Variants in ATP2B2 observed in about 807,000 individuals in gnomAD.
ATP2B2 encodes ATPase plasma membrane Ca2+ transporting 2.
ATP2B2 carries 15 observed loss-of-function variants against 120.0 expected under a neutral mutation model. That is an observed-to-expected ratio of 0.12 (90% CI 0.08 to 0.19). The LOEUF (loss-of-function observed/expected upper bound fraction) is 0.19. Among genes scored for constraint, ATP2B2 ranks in the 10% least tolerant of loss-of-function variants. The pLI, the probability that ATP2B2 is intolerant of heterozygous loss-of-function variation, is 1.00. For missense variants in ATP2B2, 1,045 were observed against 1,719.8 expected, an observed-to-expected ratio of 0.61 and a Z score of 6.94; for synonymous variants, 694 against 700.3, an observed-to-expected ratio of 0.99 and a Z score of 0.14.
chr3:10,405,862 A>G (rs2062393606), intron 3 of ATP2B2, among the ~76,000 whole-genome samples: 1 of 152,168 alleles, frequency 6.6e-6, no homozygotes, highest in Admixed American at 6.5e-5. Flanking sequence ...CTATGTGCCT[A>G]TCACTCTTTT....
chr3:10,396,081 T>A (rs992738757), intron 5 of ATP2B2, among the ~76,000 whole-genome samples: 1 of 152,200 alleles, frequency 6.6e-6, no homozygotes, highest in Non-Finnish European at 1.5e-5. Context: ...TGAAGGCTGG[T>A]CTGCCCTCAC....
At chr3:10,374,534 C>T (rs960990519) in intron 11 of ATP2B2, among the ~76,000 whole-genome samples, 6 of 152,226 alleles carry the variant, frequency 3.9e-5, no homozygotes, top group African/African-American at 7.2e-5. Flanking sequence ...AACATGGCCA[C>T]GCCTCCACCC....
rs774455155 is a variant in ATP2B2 at position 10,388,353 on chromosome 3, A to G, written c.831T>C (p.Gly277=). The change falls in exon 6 of 23, where the codon GGT becomes GGC. Residue 277 remains glycine, a synonymous_variant. Coordinates refer to ENST00000360273, the MANE Select transcript of ATP2B2 (RefSeq NM_001001331.4). ...AGATGATGCCAGTCTGAGAGTTCAC[A>G]CCCACAGCAGTCACCAACATCCGTC... ...GSGRMLVTAV[G]VNSQTGIIFT... is the part of the protein sequence containing the mutation. The G allele has an allele frequency of 6.2e-7, 1 of 1,613,964 alleles. No homozygotes were observed. Among genetic ancestry groups the G allele is most frequent in the Non-Finnish European group, 8.5e-7 (1 of 1,180,006 alleles).
intron 3 of ATP2B2, among the ~76,000 whole-genome samples, chr3:10,406,684 C>T (rs1255745962): frequency 1.3e-5 from 2 of 152,224 alleles, no homozygotes; most frequent in Non-Finnish European, 2.9e-5. Context: ...TGACATGTCC[C>T]TGTCGTTAAG....
At chr3:10,405,752 C>T (rs1213441914) in intron 3 of ATP2B2, among the ~76,000 whole-genome samples, 1 of 152,168 alleles carries the variant, frequency 6.6e-6, no homozygotes, top group Non-Finnish European at 1.5e-5. Context: ...GCATGTTCAC[C>T]AGTACAATGG....
At chr3:10,367,691 T>C (rs2061105617) in intron 12 of ATP2B2, among the ~76,000 whole-genome samples, 1 of 152,094 alleles carries the variant, frequency 6.6e-6, no homozygotes, top group African/African-American at 2.4e-5. Flanking sequence ...ATTGTACAGA[T>C]CTGGGTTCCA....
At chr3:10,585,571 T>C (rs905517218) in intron 2 of ATP2B2, among the ~76,000 whole-genome samples, 3 of 148,686 alleles carry the variant, frequency 2.0e-5, no homozygotes, top group African/African-American at 7.4e-5. Context: ...TACCCATCTC[T>C]GCAGCTTCTC....
intron 22 of ATP2B2, among the ~76,000 whole-genome samples, chr3:10,335,482 C>T (rs1421564197): frequency 6.6e-6 from 1 of 152,078 alleles, no homozygotes; most frequent in Non-Finnish European, 1.5e-5. Flanking sequence ...GGATCCCTGG[C>T]TGACTATGAC....
chr3:10,339,700 C>T (rs745621854), intron 21 of ATP2B2, among the ~76,000 whole-genome samples: 3 of 152,160 alleles, frequency 2.0e-5, no homozygotes, highest in Admixed American at 6.5e-5. Flanking sequence ...TGAGTAACAC[C>T]GCAATGTGGC....
intron 2 of ATP2B2, among the ~76,000 whole-genome samples, chr3:10,576,407 A>T (rs1239724226): frequency 6.6e-6 from 1 of 152,136 alleles, no homozygotes; most frequent in Non-Finnish European, 1.5e-5. Flanking sequence ...TTGAGACATC[A>T]TCTTGCTCTG....
At chr3:10,502,086 A>G (rs767934168) in intron 1 of ATP2B2, among the ~76,000 whole-genome samples, 1 of 152,200 alleles carries the variant, frequency 6.6e-6, no homozygotes, top group South Asian at 2.1e-4. Context: ...CGGATGGGCC[A>G]GTGTTTCAGG....
At chr3:10,385,178 G>T in intron 8 of ATP2B2, 90 bp downstream of exon 8, 1 of 1,314,094 alleles carries the variant, frequency 7.6e-7, no homozygotes, top group Non-Finnish European at 1.1e-6. Context: ...GATCTGTGCA[G>T]TCCAGAACAA....
chr3:10,450,896 G>A (rs762406325), intron 1 of ATP2B2, among the ~76,000 whole-genome samples: 3 of 152,196 alleles, frequency 2.0e-5, no homozygotes, highest in African/African-American at 7.2e-5. Context: ...CCCCAGCTGA[G>A]CTCGGTTGGG....
intron 2 of ATP2B2, among the ~76,000 whole-genome samples, chr3:10,435,857 TA>T (rs1202684365): frequency 2.6e-5 from 4 of 151,988 alleles, no homozygotes; most frequent in African/African-American, 9.7e-5. Flanking sequence ...AAAAAAGAAA[TA>T]AAAAAGATAT....
In ATP2B2 at chr3:10,578,247, A is replaced by C. The variant is rs138715730; in HGVS notation, c.-415+41670T>G. Among the ~76,000 whole-genome samples the C allele has an allele frequency of 3.9e-3, 601 of 152,288 alleles. 6 individuals are homozygous for C. The highest frequency in any genetic ancestry group is 0.013 in the African/African-American group (521 of 41,538). On this transcript the variant is annotated intron_variant, in intron 2 of 21. Transcript: ENST00000646379. The stretch of plus-strand genomic sequence containing the variant: ...GAAATGGAACAGCCATTTTGGAAAA[A>C]GTTTTGGTAGTTTCAAGTAAAGCAA...
At chr3:10,430,881 C>G (rs913443148) in intron 2 of ATP2B2, among the ~76,000 whole-genome samples, 5 of 151,472 alleles carry the variant, frequency 3.3e-5, no homozygotes, top group Non-Finnish European at 7.4e-5. Flanking sequence ...TTGGTGGCCT[C>G]TTGGGGCTTG....
chr3:10,598,197 A>G (rs2068817730), intron 2 of ATP2B2, among the ~76,000 whole-genome samples: 1 of 152,204 alleles, frequency 6.6e-6, no homozygotes, highest in Non-Finnish European at 1.5e-5. Flanking sequence ...TTTGAGGTAA[A>G]TGAAGCTTGC....
chr3:10,526,270 G>A (rs773934978), intron 3 of ATP2B2, among the ~76,000 whole-genome samples: 5 of 152,130 alleles, frequency 3.3e-5, no homozygotes, highest in Admixed American at 1.3e-4. Flanking sequence ...CTGCAAAGAC[G>A]GTGTGTACCG....
intron 2 of ATP2B2, among the ~76,000 whole-genome samples, chr3:10,436,133 G>C (rs1412504087): frequency 1.3e-5 from 2 of 152,232 alleles, no homozygotes; most frequent in Non-Finnish European, 2.9e-5. Context: ...GCTCACACTT[G>C]CTTGTGAGAG....
Sources: allele counts gnomAD v4.1 joint callset (sites outside exome capture counted in the v4.1 genomes callset), GRCh38; gene constraint gnomAD v4.1.1; transcripts MANE v1.5; gene names NCBI Gene and HGNC (gene_info 2026-07-23, HGNC 2026-07-21).